The following MAMDC2 variants were observed in gnomAD, a reference collection of about 807,000 sequenced individuals.
MAMDC2 encodes the protein MAM domain-containing protein 2.
A neutral mutation model predicts 89.8 loss-of-function variants in MAMDC2; 57 were observed. The ratio of observed to expected loss-of-function variants is 0.63; its 90% CI spans 0.51 to 0.79. The LOEUF is 0.79. Among genes scored for constraint, MAMDC2 ranks in the 30% least tolerant of loss-of-function variants. The pLI is 0.00. For synonymous variants in MAMDC2, 313 were observed against 293.4 expected (o/e 1.07, Z -0.68); for missense variants, 800 against 820.6 (o/e 0.97, Z 0.31).
chr9:70,062,046 C>T (rs148179742), intron 2 of MAMDC2, among the ~76,000 whole-genome samples: 243 of 152,306 alleles, frequency 1.6e-3, no homozygotes, highest in Middle Eastern at 3.4e-3. Flanking sequence ...GCTTCCCTAC[C>T]AGCCTGAGCA....
intron 2 of MAMDC2, among the ~76,000 whole-genome samples, chr9:70,077,587 C>T (rs1001172286): frequency 6.6e-6 from 1 of 152,130 alleles, no homozygotes; most frequent in South Asian, 2.1e-4. Context: ...AGCATGGCTC[C>T]ATGATGCATG....
intron 11 of MAMDC2, among the ~76,000 whole-genome samples, chr9:70,189,515 C>T (rs767819511): frequency 2.6e-5 from 4 of 152,084 alleles, no homozygotes; most frequent in Non-Finnish European, 5.9e-5. Flanking sequence ...AAGATTTGCT[C>T]ATTGTCTTTG....
In MAMDC2 at chr9:70,148,814, G is replaced by A. The variant is rs2031488077; in HGVS notation, c.1404+4995G>A. Among the ~76,000 whole-genome samples the A allele has an allele frequency of 2.0e-5, 3 of 149,836 alleles. 1 individual carries two copies. Among genetic ancestry groups the A allele is most frequent in the Non-Finnish European group, 4.5e-5 (3 of 67,394 alleles). Reference sequence around the variant, plus strand: ...GGAGGCCGAGGCGGGCGGATCATGAGGTCAGGAGATCGAGACCATCCTGGC... The same window carrying A: ...GGAGGCCGAGGCGGGCGGATCATGAAGTCAGGAGATCGAGACCATCCTGGC... On this transcript the variant is annotated intron_variant, in intron 9 of 13. Transcript: ENST00000377182.
At chr9:70,157,643 A>G (rs921068316) in intron 9 of MAMDC2, 9 of 152,628 alleles carry the variant, frequency 5.9e-5, no homozygotes, top group African/African-American at 2.2e-4. Context: ...ACGATGCTCA[A>G]AGATAAATTA....
At chr9:70,077,093 A>G (rs1486796102) in intron 2 of MAMDC2, among the ~76,000 whole-genome samples, 1 of 152,202 alleles carries the variant, frequency 6.6e-6, no homozygotes, top group Non-Finnish European at 1.5e-5. Context: ...AAACCCTGTC[A>G]TCTTCCTGTG....
At chr9:70,079,992 T>G (rs995873433) in intron 2 of MAMDC2, among the ~76,000 whole-genome samples, 3 of 152,240 alleles carry the variant, frequency 2.0e-5, no homozygotes, top group Non-Finnish European at 4.4e-5. Context: ...TATTCTTATT[T>G]ACTTTGTGTA....
At chr9:70,173,798 G>C (rs1180387902) in intron 11 of MAMDC2, among the ~76,000 whole-genome samples, 1 of 152,154 alleles carries the variant, frequency 6.6e-6, no homozygotes, top group African/African-American at 2.4e-5. Context: ...CACCAGGCCA[G>C]GTTATAACAA....
chr9:70,188,925 A>T (rs2032820597), intron 11 of MAMDC2, among the ~76,000 whole-genome samples: 1 of 152,008 alleles, frequency 6.6e-6, no homozygotes, highest in Admixed American at 6.6e-5. Context: ...ACTTGACTTA[A>T]GATAATCTAG....
intron 2 of MAMDC2, among the ~76,000 whole-genome samples, chr9:70,065,926 C>T (rs1311389648): frequency 1.3e-5 from 2 of 152,120 alleles, no homozygotes; most frequent in Non-Finnish European, 2.9e-5. Flanking sequence ...TTTATTTAGT[C>T]ATTTTTCCTT....
In MAMDC2 at chr9:70,087,344, T is replaced by G. The variant is rs112444166; in HGVS notation, c.149-20867T>G. Reference sequence around the variant, plus strand: ...CAAGGGCATGTAGGGGCTTAAAAGTTCCATTCAATTTAATCTCCATCTCTT... The same window carrying G: ...CAAGGGCATGTAGGGGCTTAAAAGTGCCATTCAATTTAATCTCCATCTCTT... On this transcript the variant is annotated intron_variant, in intron 2 of 13. Transcript: ENST00000377182. 21 of 152,198 alleles carry G rather than the reference T, an allele frequency of 1.4e-4. 2 individuals carry two copies. Among genetic ancestry groups the G allele is most frequent in the Non-Finnish European group, 1.5e-5 (1 of 68,034 alleles). 9.4% of individuals were successfully genotyped at this position (152,198 alleles called of 1,614,324 possible).
intron 2 of MAMDC2, among the ~76,000 whole-genome samples, chr9:70,057,236 A>G (rs960348666): frequency 6.6e-6 from 1 of 152,188 alleles, no homozygotes; most frequent in African/African-American, 2.4e-5. Flanking sequence ...TTAGAAATCA[A>G]TCCCAGGTTT....
At chr9:70,144,163 T>C (rs1303289275) in intron 9 of MAMDC2, among the ~76,000 whole-genome samples, 1 of 152,072 alleles carries the variant, frequency 6.6e-6, no homozygotes, top group Admixed American at 6.5e-5. Context: ...TTTCTTTCCC[T>C]CCCTCTTTCT....
At chr9:70,174,296 C>T (rs2032433140) in intron 11 of MAMDC2, among the ~76,000 whole-genome samples, 1 of 152,144 alleles carries the variant, frequency 6.6e-6, no homozygotes, top group African/African-American at 2.4e-5. Flanking sequence ...TTTACCCTCA[C>T]GGAACTTCTA....
At chr9:70,144,138 TTC>T (rs76756308) in intron 9 of MAMDC2, among the ~76,000 whole-genome samples, 10 of 151,922 alleles carry the variant, frequency 6.6e-5, no homozygotes, top group Non-Finnish European at 1.3e-4. Flanking sequence ...TTAGTCATAA[TTC>T]TCTCTCTCTC....
intron 2 of MAMDC2, among the ~76,000 whole-genome samples, chr9:70,052,830 G>C (rs777616319): frequency 6.6e-6 from 1 of 152,208 alleles, no homozygotes; most frequent in Non-Finnish European, 1.5e-5. Context: ...GGCTTATGCT[G>C]TAATTTCCAA....
intron 9 of MAMDC2, chr9:70,153,538 G>A (rs919207721): frequency 1.3e-5 from 2 of 152,204 alleles, no homozygotes; most frequent in Non-Finnish European, 2.9e-5. Flanking sequence ...TTAATTAGAA[G>A]CACTGGGAGG....
intron 9 of MAMDC2, among the ~76,000 whole-genome samples, chr9:70,154,527 ATTT>A (rs10710715): frequency 6.6e-5 from 9 of 135,840 alleles, no homozygotes; most frequent in Non-Finnish European, 9.3e-5. Flanking sequence ...ATTTGGAACA[ATTT>A]TTTTTTTTTT....
intron 11 of MAMDC2, among the ~76,000 whole-genome samples, chr9:70,195,376 G>A (rs995385479): frequency 6.6e-6 from 1 of 152,052 alleles, no homozygotes; most frequent in African/African-American, 2.4e-5. Context: ...ACTATTTCCT[G>A]CCGCCATTTA....
At chr9:70,075,677 C>T (rs1298870029) in intron 2 of MAMDC2, among the ~76,000 whole-genome samples, 1 of 152,148 alleles carries the variant, frequency 6.6e-6, no homozygotes, top group East Asian at 1.9e-4. Context: ...GATGCATTGG[C>T]CCTGGGATGC....
Sources: allele counts gnomAD v4.1 joint callset (sites outside exome capture counted in the v4.1 genomes callset), GRCh38; gene constraint gnomAD v4.1.1; transcripts MANE v1.5; gene names NCBI Gene and HGNC (gene_info 2026-07-23, HGNC 2026-07-21).